Variants in LSAMP observed in about 807,000 individuals in gnomAD.
LSAMP encodes the protein limbic system-associated membrane protein.
LSAMP carries 7 observed loss-of-function variants against 38.6 expected under a neutral mutation model. The ratio of observed to expected loss-of-function variants is 0.18; its 90% CI spans 0.10 to 0.34. LSAMP has a LOEUF of 0.34. Ranked by LOEUF, LSAMP falls within the 10% of genes least tolerant of loss-of-function variation. The probability of loss-of-function intolerance (pLI) is 1.00; values close to 1 mark genes in which losing one functional copy is unlikely to be tolerated. For synonymous variants in LSAMP, 154 were observed against 166.8 expected (o/e 0.92, Z 0.59); for missense variants, 313 against 420.0 (o/e 0.75, Z 2.23).
At chr3:115,831,277 G>A (rs1934599896) in intron 6 of LSAMP, among the ~76,000 whole-genome samples, 1 of 152,192 alleles carries the variant, frequency 6.6e-6, no homozygotes, top group South Asian at 2.1e-4. Context: ...AGGCAAACAA[G>A]TGAGACACAT....
intron 3 of LSAMP, among the ~76,000 whole-genome samples, chr3:115,983,519 T>G (rs1266889124): frequency 3.9e-5 from 6 of 152,030 alleles, no homozygotes; most frequent in Non-Finnish European, 8.8e-5. Context: ...AGAGCCTGTC[T>G]CAGAATAAAA....
At chr3:115,914,668 C>T (rs892009516) in intron 3 of LSAMP, among the ~76,000 whole-genome samples, 2 of 152,162 alleles carry the variant, frequency 1.3e-5, no homozygotes, top group Non-Finnish European at 2.9e-5. Context: ...CTTTCTTTTA[C>T]CTCTAATAGT....
chr3:116,220,350 GACACACACAC>G lies in LSAMP; in HGVS notation c.156-133804_156-133795del, dbSNP rs10575234. Among the ~76,000 whole-genome samples the G allele has an allele frequency of 2.0e-3, 278 of 138,538 alleles. 1 individual carries two copies. The highest frequency in any genetic ancestry group is 7.2e-3 in the South Asian group (30 of 4,146). 90.9% of individuals were successfully genotyped at this position (138,538 alleles called of 152,430 possible). ...CCATTTTGCCTTGTCATTTGCATAT[GACACACACAC>G]ACACACACACACACACACACACACA... On this transcript the variant is annotated intron_variant, in intron 1 of 6. Coordinates refer to ENST00000490035, the MANE Select transcript of LSAMP (RefSeq NM_002338.5).
chr3:116,258,968 T>G (rs980432845), intron 1 of LSAMP, among the ~76,000 whole-genome samples: 1 of 152,280 alleles, frequency 6.6e-6, no homozygotes, highest in Admixed American at 6.5e-5. Flanking sequence ...CCCCTACACA[T>G]AAATGTACAC....
intron 1 of LSAMP, among the ~76,000 whole-genome samples, chr3:116,143,067 T>A (rs1709409136): frequency 6.7e-6 from 1 of 150,234 alleles, no homozygotes. Flanking sequence ...TATAATGTAT[T>A]TATTGTTTGT....
intron 3 of LSAMP, among the ~76,000 whole-genome samples, chr3:115,980,265 T>C (rs1939318049): frequency 1.3e-5 from 2 of 152,132 alleles, no homozygotes; most frequent in Non-Finnish European, 2.9e-5. Context: ...TACTTAGAGT[T>C]TCATAAAAAT....
chr3:116,330,348 T>C (rs923715032), intron 1 of LSAMP, among the ~76,000 whole-genome samples: 14 of 152,118 alleles, frequency 9.2e-5, no homozygotes, highest in Non-Finnish European at 2.9e-5. Flanking sequence ...CTGTAACAGC[T>C]TGTGGGGATA....
chr3:115,990,569 T>C (rs956605404), intron 3 of LSAMP, among the ~76,000 whole-genome samples: 2 of 152,122 alleles, frequency 1.3e-5, no homozygotes, highest in African/African-American at 4.8e-5. Flanking sequence ...AATCAGCTTC[T>C]GTTTTCTCAG....
Position 116,076,270 on chromosome 3 carries a change from T to A in LSAMP, c.388+10054A>T, listed in dbSNP as rs188890819. On this transcript the variant is annotated intron_variant, in intron 2 of 6. Coordinates refer to ENST00000490035, the MANE Select transcript of LSAMP (RefSeq NM_002338.5). ...AATAAAATAATAACTTTTTTTTTTTTAATTTGAGACGGAGTCTCGCTCTGT... is the reference window on the plus strand; with the variant it reads ...AATAAAATAATAACTTTTTTTTTTTAAATTTGAGACGGAGTCTCGCTCTGT... Among the ~76,000 whole-genome samples, 534 of 151,942 alleles carry A rather than the reference T, an allele frequency of 3.5e-3. 2 individuals are homozygous for A. The highest frequency in any genetic ancestry group is 5.4e-3 in the Non-Finnish European group (365 of 67,918).
intron 1 of LSAMP, among the ~76,000 whole-genome samples, chr3:116,244,615 A>G (rs2046581087): frequency 6.6e-6 from 1 of 152,212 alleles, no homozygotes; most frequent in Admixed American, 6.5e-5. Context: ...GGACTCTCAC[A>G]CAGCATCTTG....
At chr3:116,256,609 G>C (rs1399676459) in intron 1 of LSAMP, among the ~76,000 whole-genome samples, 1 of 152,146 alleles carries the variant, frequency 6.6e-6, no homozygotes, top group African/African-American at 2.4e-5. Flanking sequence ...GTAAAGGATA[G>C]AAAGTAAAGA....
intron 3 of LSAMP, among the ~76,000 whole-genome samples, chr3:115,932,716 A>G (rs1177905283): frequency 1.3e-5 from 2 of 152,018 alleles, no homozygotes; most frequent in Non-Finnish European, 2.9e-5. Context: ...TTTTTTTACT[A>G]GTCTTTTCCA....
At chr3:116,313,400 C>T (rs1188223276) in intron 1 of LSAMP, among the ~76,000 whole-genome samples, 6 of 152,170 alleles carry the variant, frequency 3.9e-5, no homozygotes, top group Non-Finnish European at 8.8e-5. Flanking sequence ...CATGGGACCC[C>T]GTATGGATGT....
intron 1 of LSAMP, among the ~76,000 whole-genome samples, chr3:116,208,109 C>CT: frequency 6.8e-6 from 1 of 147,642 alleles, no homozygotes; most frequent in Non-Finnish European, 1.5e-5. Context: ...TCTTTTTATT[C>CT]TTTTTTCTCT....
At chr3:116,055,680 A>G (rs1465969356) in intron 2 of LSAMP, among the ~76,000 whole-genome samples, 1 of 152,204 alleles carries the variant, frequency 6.6e-6, no homozygotes, top group Non-Finnish European at 1.5e-5. Context: ...CCTGGGACCT[A>G]TTCCAGGATC....
intron 6 of LSAMP, chr3:115,834,540 C>T (rs1934721738): frequency 7.8e-7 from 1 of 1,282,780 alleles, no homozygotes; most frequent in South Asian, 1.2e-5. Flanking sequence ...AAGAGAGCTA[C>T]AGTGATAAAA....
intron 1 of LSAMP, among the ~76,000 whole-genome samples, chr3:116,328,567 T>C (rs1296886278): frequency 4.6e-5 from 7 of 152,126 alleles, no homozygotes; most frequent in Non-Finnish European, 1.0e-4. Flanking sequence ...TGAGAACCAT[T>C]TGTTAACATT....
intron 1 of LSAMP, among the ~76,000 whole-genome samples, chr3:116,228,026 C>G (rs1280057719): frequency 1.3e-5 from 2 of 152,016 alleles, no homozygotes; most frequent in African/African-American, 2.4e-5. Flanking sequence ...GTAGCCTAAG[C>G]CTGGCCCGAA....
chr3:116,270,983 G>C (rs1054690449), intron 1 of LSAMP, among the ~76,000 whole-genome samples: 1 of 151,986 alleles, frequency 6.6e-6, no homozygotes, highest in African/African-American at 2.4e-5. Flanking sequence ...GGAACAGATA[G>C]AGTACAGATT....
Sources: allele counts gnomAD v4.1 joint callset (sites outside exome capture counted in the v4.1 genomes callset), GRCh38; gene constraint gnomAD v4.1.1; transcripts MANE v1.5; gene names NCBI Gene and HGNC (gene_info 2026-07-23, HGNC 2026-07-21).